The following DOCK5 variants were observed in gnomAD, a reference collection of about 807,000 sequenced individuals.
DOCK5 encodes the protein dedicator of cytokinesis 5, also known as dedicator of cytokinesis protein 5.
A neutral mutation model predicts 251.8 loss-of-function variants in DOCK5; 142 were observed. The observed-to-expected ratio is 0.56, with a 90% confidence interval of 0.49 to 0.65. The LOEUF is 0.65. DOCK5 is among the 30% of genes least tolerant of loss of function. The probability of loss-of-function intolerance (pLI) is 0.00; values close to 1 mark genes in which losing one functional copy is unlikely to be tolerated. For synonymous variants in DOCK5, 842 were observed against 835.5 expected, an observed-to-expected ratio of 1.01 and a Z score of -0.13; for missense variants, 2,111 against 2,312.3, an observed-to-expected ratio of 0.91 and a Z score of 1.79.
intron 1 of DOCK5, among the ~76,000 whole-genome samples, chr8:25,195,470 T>C (rs1233603165): frequency 6.6e-6 from 1 of 152,194 alleles, no homozygotes; most frequent in Non-Finnish European, 1.5e-5. Flanking sequence ...GGGATGGCAC[T>C]GAAGTTCCTG....
intron 16 of DOCK5, 139 bp downstream of exon 16, chr8:25,321,191 A>G: frequency 1.4e-6 from 1 of 713,068 alleles, no homozygotes; most frequent in Non-Finnish European, 2.4e-6. Flanking sequence ...ACTGGTGCTA[A>G]GGAAATCAGC....
At chr8:25,221,869 G>A (rs1448291217) in intron 1 of DOCK5, among the ~76,000 whole-genome samples, 3 of 152,260 alleles carry the variant, frequency 2.0e-5, no homozygotes, top group African/African-American at 7.2e-5. Context: ...CTTGGAGCTG[G>A]GACTTATATC....
intron 29 of DOCK5, among the ~76,000 whole-genome samples, chr8:25,363,800 G>A (rs2709628): frequency 0.38 from 57,300 of 152,034 alleles, 11,086 homozygotes; most frequent in Admixed American, 0.45. Context: ...CCGGTCTTCC[G>A]CTAGCAGTGC....
intron 48 of DOCK5, among the ~76,000 whole-genome samples, chr8:25,404,348 T>C (rs1160727767): frequency 6.6e-6 from 1 of 152,228 alleles, no homozygotes; most frequent in East Asian, 1.9e-4. Context: ...GCTATAGATA[T>C]GGCTCATTGT....
chr8:25,409,004 G>C, intron 50 of DOCK5, 64 bp downstream of exon 50: 1 of 1,606,042 alleles, frequency 6.2e-7, no homozygotes, highest in Non-Finnish European at 8.5e-7. Context: ...ATGCATCTGG[G>C]CAGTTTGTAA....
chr8:25,300,022 C>T (rs1804721053), intron 8 of DOCK5, among the ~76,000 whole-genome samples: 1 of 152,152 alleles, frequency 6.6e-6, no homozygotes. Context: ...TCTCCTGCCT[C>T]AGCCTCCCAA....
At chr8:25,400,127 C>T in intron 46 of DOCK5, 133 bp downstream of exon 46, 1 of 686,134 alleles carries the variant, frequency 1.5e-6, no homozygotes, top group Non-Finnish European at 2.5e-6. Context: ...AAAGCACCAC[C>T]TATCTATGTA....
Position 25,413,478 on chromosome 8 carries a change from G to A in DOCK5, c.*2180G>A, listed in dbSNP as rs1395284268. 6.6e-6 allele frequency: 1 copy of A among 152,210 alleles called. No homozygotes were observed. The highest frequency in any genetic ancestry group is 1.5e-5 in the Non-Finnish European group (1 of 68,048). 9.4% of individuals were successfully genotyped at this position (152,210 alleles called of 1,614,324 possible). On this transcript the variant is annotated 3_prime_UTR_variant, in exon 52 of 52. Coordinates refer to ENST00000276440, the MANE Select transcript of DOCK5 (RefSeq NM_024940.8). ...GAGGAGGCAACAGACAGGATATGTA[G>A]GGGCTTACCTAGAGCCTGGCACGAC... is the stretch of plus-strand genomic sequence containing the variant.
At chr8:25,294,872 G>T (rs750417842) in intron 6 of DOCK5, among the ~76,000 whole-genome samples, 2 of 152,042 alleles carry the variant, frequency 1.3e-5, no homozygotes, top group Non-Finnish European at 2.9e-5. Context: ...AGAGAGAGGT[G>T]GGAGGGGCTA....
At chr8:25,259,267 A>G (rs1027778377) in intron 2 of DOCK5, among the ~76,000 whole-genome samples, 1 of 152,134 alleles carries the variant, frequency 6.6e-6, no homozygotes, top group Non-Finnish European at 1.5e-5. Context: ...GGGGTGGCGC[A>G]TTGAGAAAGT....
At chr8:25,195,311 T>C (rs1801695677) in intron 1 of DOCK5, among the ~76,000 whole-genome samples, 1 of 150,252 alleles carries the variant, frequency 6.7e-6, no homozygotes, top group Admixed American at 6.7e-5. Flanking sequence ...CAGGCTGGTC[T>C]TGAACTCCTG....
At chr8:25,362,592 G>A (rs1363682045) in intron 28 of DOCK5, among the ~76,000 whole-genome samples, 2 of 149,538 alleles carry the variant, frequency 1.3e-5, no homozygotes, top group Non-Finnish European at 3.0e-5. Flanking sequence ...TCAGCCTCCC[G>A]AGTAGCTGGG....
At chr8:25,235,473 G>T (rs1288673202) in intron 1 of DOCK5, among the ~76,000 whole-genome samples, 5 of 152,104 alleles carry the variant, frequency 3.3e-5, no homozygotes, top group Admixed American at 2.6e-4. Context: ...TGCCCAGGCT[G>T]GTCTCAAACT....
At chr8:25,345,305 C>G in intron 25 of DOCK5, 170 bp from the exon 26 acceptor site, 1 of 676,538 alleles carries the variant, frequency 1.5e-6, no homozygotes, top group Non-Finnish European at 2.3e-6. Context: ...GGGTAAAGTT[C>G]CGTGCCTAAA....
intron 1 of DOCK5, among the ~76,000 whole-genome samples, chr8:25,200,387 A>G (rs1289538765): frequency 1.3e-5 from 2 of 152,258 alleles, no homozygotes; most frequent in Non-Finnish European, 2.9e-5. Flanking sequence ...GGATGGATTT[A>G]GTAATTTATA....
intron 2 of DOCK5, among the ~76,000 whole-genome samples, chr8:25,251,815 C>T (rs763322610): frequency 6.6e-6 from 1 of 152,100 alleles, no homozygotes; most frequent in Non-Finnish European, 1.5e-5. Flanking sequence ...ATGGCAAAAC[C>T]CTGTCTCTAC....
chr8:25,197,575 CTTTTTTTTTT>C (rs541455591), intron 1 of DOCK5, among the ~76,000 whole-genome samples: 8 of 108,274 alleles, frequency 7.4e-5, no homozygotes, highest in African/African-American at 2.9e-4. Context: ...GTGTCTTTGT[CTTTTTTTTTT>C]TTTTTTTTTT....
chr8:25,210,041 T>TAAAA (rs1563309172), intron 1 of DOCK5, among the ~76,000 whole-genome samples: 1 of 17,328 alleles, frequency 5.8e-5, no homozygotes, highest in African/African-American at 2.8e-4. Context: ...TATAAATGTG[T>TAAAA]GTGTGTGTGT....
At chr8:25,286,446 G>A (rs1180197858) in intron 5 of DOCK5, among the ~76,000 whole-genome samples, 1 of 152,100 alleles carries the variant, frequency 6.6e-6, no homozygotes, top group African/African-American at 2.4e-5. Flanking sequence ...ACCCTAGAGG[G>A]AATATGCCCG....
Sources: gnomAD v4.1 joint callset for allele counts (sites outside exome capture counted in the v4.1 genomes callset) on GRCh38, gnomAD v4.1.1 for gene constraint, MANE v1.5 for transcripts, NCBI Gene and HGNC (gene_info 2026-07-23, HGNC 2026-07-21) for gene names.